Variants in CNTNAP2 observed in about 807,000 individuals in gnomAD.
The protein encoded by CNTNAP2 is contactin associated protein 2.
CNTNAP2 carries 98 observed loss-of-function variants against 155.2 expected under a neutral mutation model. That is an observed-to-expected ratio of 0.63 (90% CI 0.54 to 0.75). CNTNAP2 has a LOEUF of 0.75. Ranked by LOEUF, CNTNAP2 falls within the 30% of genes least tolerant of loss-of-function variation. The pLI is 0.00. For missense variants in CNTNAP2, 1,727 were observed against 1,688.1 expected, an observed-to-expected ratio of 1.02 and a Z score of -0.40; for synonymous variants, 651 against 631.2, an observed-to-expected ratio of 1.03 and a Z score of -0.47.
At chr7:146,134,527 G>A (rs62504791) in intron 1 of CNTNAP2, among the ~76,000 whole-genome samples, 9,279 of 150,866 alleles carry the variant, frequency 0.062, 405 homozygotes, top group Non-Finnish European at 0.098. Context: ...TACCCATTCA[G>A]TATGATATTG....
intron 13 of CNTNAP2, among the ~76,000 whole-genome samples, chr7:147,675,576 G>T (rs896191147): frequency 1.1e-4 from 17 of 151,934 alleles, no homozygotes; most frequent in African/African-American, 4.1e-4. Flanking sequence ...TCCATGGATT[G>T]GATGATTCGC....
At chr7:146,358,227 G>A (rs1453052659) in intron 1 of CNTNAP2, among the ~76,000 whole-genome samples, 1 of 151,914 alleles carries the variant, frequency 6.6e-6, no homozygotes, top group African/African-American at 2.4e-5. Flanking sequence ...GTAGAGACGG[G>A]GTTTCCCCGT....
intron 13 of CNTNAP2, among the ~76,000 whole-genome samples, chr7:147,720,336 G>A (rs1176131738): frequency 6.6e-6 from 1 of 152,122 alleles, no homozygotes; most frequent in African/African-American, 2.4e-5. Context: ...AGACTCTGAA[G>A]GTTAATGTAA....
intron 15 of CNTNAP2, among the ~76,000 whole-genome samples, chr7:148,037,878 C>T (rs1010436061): frequency 1.3e-5 from 2 of 152,140 alleles, no homozygotes; most frequent in Non-Finnish European, 2.9e-5. Context: ...GGACAGCGAT[C>T]CATGTTCTTT....
chr7:148,243,022 T>G (rs78047640), intron 20 of CNTNAP2, among the ~76,000 whole-genome samples: 42,931 of 151,870 alleles, frequency 0.28, 6,279 homozygotes, highest in Middle Eastern at 0.38. Context: ...GGCTGGCAGC[T>G]CAAGAGAAAA....
At chr7:147,790,522 C>T (rs868262679) in intron 13 of CNTNAP2, among the ~76,000 whole-genome samples, 4 of 152,214 alleles carry the variant, frequency 2.6e-5, no homozygotes, top group Non-Finnish European at 5.9e-5. Context: ...AATAACCCTA[C>T]GTTCTCTACG....
intron 1 of CNTNAP2, among the ~76,000 whole-genome samples, chr7:146,322,997 T>C (rs1008831209): frequency 2.0e-5 from 3 of 152,108 alleles, no homozygotes; most frequent in Non-Finnish European, 4.4e-5. Flanking sequence ...TCTTTGGATT[T>C]AGAGCCAAAA....
intron 11 of CNTNAP2, among the ~76,000 whole-genome samples, chr7:147,504,839 T>TAG (rs35388373): frequency 0.37 from 56,224 of 150,220 alleles, 10,953 homozygotes; most frequent in Non-Finnish European, 0.43. Context: ...TATATATATA[T>TAG]GAATCAGAAA....
chr7:146,156,366 A>G (rs573988209), intron 1 of CNTNAP2, among the ~76,000 whole-genome samples: 1 of 152,318 alleles, frequency 6.6e-6, no homozygotes, highest in South Asian at 2.1e-4. Flanking sequence ...CAGATCAGTT[A>G]TTTAATCCAT....
chr7:147,856,149 C>G (rs1158934833), intron 13 of CNTNAP2, among the ~76,000 whole-genome samples: 1 of 152,020 alleles, frequency 6.6e-6, no homozygotes, highest in Non-Finnish European at 1.5e-5. Context: ...TTCAACCGGC[C>G]GACCCTGCTG....
At chr7:147,108,749 G>A (rs1178049050) in intron 5 of CNTNAP2, among the ~76,000 whole-genome samples, 5 of 152,130 alleles carry the variant, frequency 3.3e-5, no homozygotes, top group Admixed American at 2.0e-4. Context: ...AAGGGACTAG[G>A]TTAATACGTC....
At chr7:147,269,158 T>G (rs1450021621) in intron 8 of CNTNAP2, among the ~76,000 whole-genome samples, 1 of 152,158 alleles carries the variant, frequency 6.6e-6, no homozygotes, top group African/African-American at 2.4e-5. Flanking sequence ...CAGTAAATTC[T>G]CCTCTGTTTG....
chr7:147,534,440 T>C (rs906643508), intron 11 of CNTNAP2, among the ~76,000 whole-genome samples: 1 of 152,098 alleles, frequency 6.6e-6, no homozygotes, highest in African/African-American at 2.4e-5. Context: ...CAGGCCTCCT[T>C]AGGATACAGA....
intron 1 of CNTNAP2, among the ~76,000 whole-genome samples, chr7:146,243,859 A>C (rs1799600987): frequency 6.6e-6 from 1 of 152,204 alleles, no homozygotes; most frequent in African/African-American, 2.4e-5. Context: ...AAAACGAAAT[A>C]GTGCTAAAGT....
chr7:147,807,286 G>A (rs1170877663), intron 13 of CNTNAP2, among the ~76,000 whole-genome samples: 1 of 125,154 alleles, frequency 8.0e-6, no homozygotes. Flanking sequence ...TTACTTCACT[G>A]TACTCGAGCC....
chr7:147,490,087 T>C (rs759490479), intron 11 of CNTNAP2, among the ~76,000 whole-genome samples: 10 of 152,234 alleles, frequency 6.6e-5, no homozygotes, highest in Non-Finnish European at 1.3e-4. Context: ...ATTTATTAAA[T>C]GTCAGATGTG....
intron 1 of CNTNAP2, among the ~76,000 whole-genome samples, chr7:146,136,138 G>A (rs1000111134): frequency 3.3e-5 from 5 of 152,046 alleles, no homozygotes; most frequent in African/African-American, 1.2e-4. Flanking sequence ...CCACACATGA[G>A]CAAATGTATC....
At chr7:147,375,865 A>G (rs1295945139) in intron 9 of CNTNAP2, among the ~76,000 whole-genome samples, 1 of 152,016 alleles carries the variant, frequency 6.6e-6, no homozygotes, top group Non-Finnish European at 1.5e-5. Flanking sequence ...GAGGCAGAGG[A>G]AGCAGAACTA....
chr7:147,317,444 C>A (rs56087231), intron 9 of CNTNAP2, among the ~76,000 whole-genome samples: 1 of 152,214 alleles, frequency 6.6e-6, no homozygotes, highest in African/African-American at 2.4e-5. Context: ...CCTCACCCAG[C>A]CTTCTGCTTC....
Sources: gnomAD v4.1 joint callset for allele counts (sites outside exome capture counted in the v4.1 genomes callset) on GRCh38, gnomAD v4.1.1 for gene constraint, MANE v1.5 for transcripts, NCBI Gene and HGNC (gene_info 2026-07-23, HGNC 2026-07-21) for gene names.